The following GNAT3 variants were observed in gnomAD, a reference collection of about 807,000 sequenced individuals.
GNAT3 encodes guanine nucleotide-binding protein G(t) subunit alpha-3.
GNAT3 carries 31 observed loss-of-function variants against 37.7 expected under a neutral mutation model. That is an observed-to-expected ratio of 0.82 (90% CI 0.62 to 1.11). GNAT3 has a LOEUF of 1.11. GNAT3 is among the 50% of genes most tolerant of loss of function. GNAT3 has a pLI of 0.00. For synonymous variants in GNAT3, 138 were observed against 139.8 expected (o/e 0.99, Z 0.09); for missense variants, 437 against 412.5 (o/e 1.06, Z -0.51).
intron 5 of GNAT3, 24 bp from the exon 6 acceptor site, chr7:80,462,655 A>G: frequency 6.3e-7 from 1 of 1,598,532 alleles, no homozygotes; most frequent in African/African-American, 1.3e-5. Context: ...TCAAATGAAT[A>G]ATAAATCTTG....
At chr7:80,487,525 G>C (rs1241471382) in intron 3 of GNAT3, among the ~76,000 whole-genome samples, 1 of 152,078 alleles carries the variant, frequency 6.6e-6, no homozygotes, top group Non-Finnish European at 1.5e-5. Context: ...AAAAGGCTTT[G>C]TTTTGTTTTG....
intron 5 of GNAT3, among the ~76,000 whole-genome samples, chr7:80,470,525 G>A (rs1414848297): frequency 6.6e-6 from 1 of 152,130 alleles, no homozygotes; most frequent in African/African-American, 2.4e-5. Flanking sequence ...CCAGCCAAGA[G>A]AATATCGTAT....
chr7:80,492,218 C>T (rs1179237227), intron 2 of GNAT3, among the ~76,000 whole-genome samples: 1 of 151,224 alleles, frequency 6.6e-6, no homozygotes, highest in Non-Finnish European at 1.5e-5. Flanking sequence ...GTGGCAGGCA[C>T]CTGTAATCCC....
chr7:80,484,872 T>C (rs1326528456), intron 3 of GNAT3, among the ~76,000 whole-genome samples: 10 of 152,152 alleles, frequency 6.6e-5, no homozygotes, highest in African/African-American at 2.4e-4. Flanking sequence ...TCCTGAAATA[T>C]TGTCCTTAAC....
In GNAT3 at chr7:80,497,577, T is replaced by C. The variant is rs551131350; in HGVS notation, c.119-2930A>G. Among the ~76,000 whole-genome samples the C allele has an allele frequency of 1.4e-3, 195 of 140,532 alleles. 2 individuals carry two copies. Among genetic ancestry groups the C allele is most frequent in the African/African-American group, 4.9e-3 (182 of 37,498 alleles). The allele number at this position is 140,532 out of a possible 152,430, so 92.2% of individuals were successfully genotyped here. Reference sequence around the variant, plus strand: ...GTATATACATATACGTATATACATATACGTATATACATATACGTATATACA... The same window carrying C: ...GTATATACATATACGTATATACATACACGTATATACATATACGTATATACA... On this transcript the variant is annotated intron_variant, in intron 1 of 7. Transcript: ENST00000398291.
At chr7:80,493,751 C>T (rs1790652644) in intron 2 of GNAT3, among the ~76,000 whole-genome samples, 1 of 67,468 alleles carries the variant, frequency 1.5e-5, no homozygotes, top group Non-Finnish European at 3.9e-5. Context: ...TTTCCTCCTC[C>T]ACCTCTTTCC....
chr7:80,496,742 C>T (rs185527423), intron 1 of GNAT3, among the ~76,000 whole-genome samples: 158 of 152,238 alleles, frequency 1.0e-3, no homozygotes, highest in Admixed American at 2.4e-3. Flanking sequence ...CTTTGTACTG[C>T]GCATCATTTT....
chr7:80,461,496 A>C (rs1790049976), intron 7 of GNAT3, among the ~76,000 whole-genome samples: 1 of 152,120 alleles, frequency 6.6e-6, no homozygotes, highest in African/African-American at 2.4e-5. Flanking sequence ...CTACAGCCTG[A>C]GCGACAGAGC....
At chr7:80,494,860 T>A (rs2116208589) in intron 1 of GNAT3, among the ~76,000 whole-genome samples, 1 of 152,248 alleles carries the variant, frequency 6.6e-6, no homozygotes, top group South Asian at 2.1e-4. Context: ...CAACAGGTAA[T>A]TTTTTTCATT....
At chr7:80,508,981 A>C (rs79129243) in intron 1 of GNAT3, among the ~76,000 whole-genome samples, 1 of 152,184 alleles carries the variant, frequency 6.6e-6, no homozygotes, top group African/African-American at 2.4e-5. Flanking sequence ...TACTAAGGTT[A>C]AACTGGTTAG....
intron 1 of GNAT3, among the ~76,000 whole-genome samples, chr7:80,502,455 T>C (rs185329313): frequency 2.0e-5 from 3 of 152,152 alleles, no homozygotes; most frequent in African/African-American, 7.2e-5. Context: ...TGCAGATATT[T>C]GTCTAAGTGT....
chr7:80,465,505 T>G (rs757122002), intron 5 of GNAT3, among the ~76,000 whole-genome samples: 60 of 152,142 alleles, frequency 3.9e-4, no homozygotes, highest in African/African-American at 1.4e-3. Flanking sequence ...TCAGCTGATA[T>G]TTGTTGAGGC....
intron 5 of GNAT3, among the ~76,000 whole-genome samples, chr7:80,465,348 T>G (rs763828173): frequency 6.6e-6 from 1 of 152,186 alleles, no homozygotes; most frequent in Non-Finnish European, 1.5e-5. Context: ...TTAACACACC[T>G]AATAAGAGTT....
chr7:80,484,948 G>T (rs1790452473), intron 3 of GNAT3, among the ~76,000 whole-genome samples: 1 of 151,788 alleles, frequency 6.6e-6, no homozygotes, highest in Middle Eastern at 3.2e-3. Context: ...CATTCTTCTG[G>T]AACCTCTCTC....
At chr7:80,485,520 C>T (rs996668157) in intron 3 of GNAT3, among the ~76,000 whole-genome samples, 1 of 152,098 alleles carries the variant, frequency 6.6e-6, no homozygotes. Flanking sequence ...AGCTGCACAG[C>T]CTTTTTGAAA....
chr7:80,500,228 TC>T (rs1395310773), intron 1 of GNAT3, among the ~76,000 whole-genome samples: 1 of 131,378 alleles, frequency 7.6e-6, no homozygotes, highest in African/African-American at 4.1e-5. Context: ...TTAGTTTGCC[TC>T]CTTTTTTTTT....
intron 4 of GNAT3, among the ~76,000 whole-genome samples, chr7:80,478,209 C>T (rs1790336634): frequency 6.6e-6 from 1 of 152,136 alleles, no homozygotes; most frequent in Admixed American, 6.6e-5. Context: ...CTGTGCCCAG[C>T]ACTAAAGGAA....
intron 7 of GNAT3, among the ~76,000 whole-genome samples, chr7:80,459,487 A>T (rs1790013086): frequency 6.6e-6 from 1 of 152,208 alleles, no homozygotes; most frequent in African/African-American, 2.4e-5. Context: ...TTAGGATGCG[A>T]TATAAAAGGC....
At chr7:80,480,189 C>T (rs73709177) in intron 3 of GNAT3, among the ~76,000 whole-genome samples, 11,958 of 152,174 alleles carry the variant, frequency 0.079, 537 homozygotes, top group Middle Eastern at 0.12. Flanking sequence ...TTGTTGTCAG[C>T]CTCTAAAACT....
Sources: allele counts gnomAD v4.1 joint callset (sites outside exome capture counted in the v4.1 genomes callset), GRCh38; gene constraint gnomAD v4.1.1; transcripts MANE v1.5; gene names NCBI Gene and HGNC (gene_info 2026-07-23, HGNC 2026-07-21).